The following USH2A variants were observed in gnomAD, a reference collection of about 807,000 sequenced individuals.
USH2A encodes Usher syndrome 2A (autosomal recessive, mild).
In USH2A, 443 loss-of-function variants were observed where a neutral mutation model predicts 538.9. That is an observed-to-expected ratio of 0.82 (90% CI 0.76 to 0.89). The LOEUF is 0.89. Among genes scored for constraint, USH2A ranks in the 40% least tolerant of loss-of-function variants. The pLI is 0.00. For synonymous variants in USH2A, 2,413 were observed against 2,273.5 expected, an observed-to-expected ratio of 1.06 and a Z score of -1.75; for missense variants, 6,633 against 6,324.8, an observed-to-expected ratio of 1.05 and a Z score of -1.65.
intron 20 of USH2A, among the ~76,000 whole-genome samples, chr1:216,187,315 A>G (rs2034628761): frequency 6.6e-6 from 1 of 151,886 alleles, no homozygotes; most frequent in Non-Finnish European, 1.5e-5. Context: ...ATTATCTTAG[A>G]ATCCTCCACA....
In USH2A at chr1:215,998,888, C is replaced by A; in HGVS notation, c.6656G>T (p.Gly2219Val). 6.2e-7 allele frequency: 1 copy of A among 1,612,578 alleles called. No individual in the cohort carries two copies. Among genetic ancestry groups the A allele is most frequent in the Non-Finnish European group, 8.5e-7 (1 of 1,179,188 alleles). The change falls in exon 34 of 72, where the codon GGA becomes GTA. Residue 2219 changes from glycine (G) to valine (V), a missense_variant and splice_region_variant. By Grantham distance (109) the Gly-to-Val change is moderately radical (BLOSUM62 -3). Coordinates refer to ENST00000307340, the MANE Select transcript of USH2A (RefSeq NM_206933.4). Reference sequence around the variant, plus strand: ...AGAAAGTGATGGAAATAAACTTACTCCCAGCTTGATGAGATATTTATTACC... The same window carrying A: ...AGAAAGTGATGGAAATAAACTTACTACCAGCTTGATGAGATATTTATTACC... ...LPGNKYLIKL[G>V]ACTGGGCTVS...
intron 32 of USH2A, among the ~76,000 whole-genome samples, chr1:216,013,202 T>C (rs1312223725): frequency 6.6e-6 from 1 of 151,788 alleles, no homozygotes; most frequent in Non-Finnish European, 1.5e-5. Flanking sequence ...CATACAAAAC[T>C]GTATCCAGGC....
chr1:215,921,870 T>C (rs1666106738), intron 38 of USH2A, among the ~76,000 whole-genome samples: 1 of 152,082 alleles, frequency 6.6e-6, no homozygotes, highest in Non-Finnish European at 1.5e-5. Context: ...AAACCACACC[T>C]GCACCTAGTA....
chr1:215,998,755 CA>C lies in USH2A; in HGVS notation c.6657+131del, dbSNP rs1571876644. 4 of 931,574 alleles carry C rather than the reference CA, an allele frequency of 4.3e-6. No individual in the cohort carries two copies. The East Asian group carries it at 1.1e-4, about 25-fold the overall frequency. 57.7% of individuals were successfully genotyped at this position (931,574 alleles called of 1,614,324 possible). A position where few individuals can be genotyped will look rare whatever the true frequency, so the allele number is the denominator to read the frequency against. ...ACATTTAGGATGGGAAGAGAGTTTT[CA>C]GTATAAACAGCAATACATGAAGATT... On this transcript the variant is annotated intron_variant, in intron 34 of 71. Coordinates refer to ENST00000307340, the MANE Select transcript of USH2A (RefSeq NM_206933.4).
At chr1:215,871,990 T>C (rs913756531) in intron 43 of USH2A, among the ~76,000 whole-genome samples, 1 of 152,202 alleles carries the variant, frequency 6.6e-6, no homozygotes, top group African/African-American at 2.4e-5. Context: ...GAATTAAAAA[T>C]GTGTCAACTT....
At chr1:216,122,205 G>T (rs1433127872) in intron 21 of USH2A, among the ~76,000 whole-genome samples, 1 of 152,094 alleles carries the variant, frequency 6.6e-6, no homozygotes, top group South Asian at 2.1e-4. Flanking sequence ...ACCTGGGTGG[G>T]TATGGAGTAT....
intron 9 of USH2A, among the ~76,000 whole-genome samples, chr1:216,300,696 A>G (rs551826886): frequency 6.6e-6 from 1 of 151,220 alleles, no homozygotes; most frequent in East Asian, 2.0e-4. Flanking sequence ...GATAACCCAT[A>G]GTCTCCAAAG....
chr1:215,953,608 C>G (rs1040697587), intron 37 of USH2A, among the ~76,000 whole-genome samples: 11 of 151,932 alleles, frequency 7.2e-5, no homozygotes, highest in Non-Finnish European at 2.9e-5. Flanking sequence ...ACCATAAAAA[C>G]CCTAGAAGAA....
intron 8 of USH2A, 70 bp from the exon 9 acceptor site, chr1:216,322,046 AC>A (rs2037624363): frequency 7.1e-7 from 1 of 1,417,506 alleles, no homozygotes; most frequent in African/African-American, 1.4e-5. Context: ...AGGTCCTAGG[AC>A]TATATGCATT....
intron 45 of USH2A, 109 bp from the exon 46 acceptor site, chr1:215,844,605 T>TAA: frequency 9.0e-7 from 1 of 1,106,244 alleles, no homozygotes; most frequent in Non-Finnish European, 1.3e-6. Context: ...CTCGCTTATC[T>TAA]GCTTTTCGCT....
chr1:216,033,778 G>A (rs1237799321), intron 32 of USH2A, among the ~76,000 whole-genome samples: 1 of 152,166 alleles, frequency 6.6e-6, no homozygotes, highest in African/African-American at 2.4e-5. Context: ...CGAGGCTGCA[G>A]TGAGCTGTGA....
intron 41 of USH2A, among the ~76,000 whole-genome samples, chr1:215,888,190 G>A (rs1282940949): frequency 2.0e-5 from 3 of 152,176 alleles, no homozygotes; most frequent in Non-Finnish European, 2.9e-5. Context: ...AAATATTTCA[G>A]GTGTGCGAGG....
intron 44 of USH2A, among the ~76,000 whole-genome samples, chr1:215,850,169 T>A (rs937618040): frequency 6.6e-6 from 1 of 151,852 alleles, no homozygotes; most frequent in African/African-American, 2.4e-5. Flanking sequence ...AATAATAAAC[T>A]GAACATTGAA....
chr1:215,998,927 T>G lies in USH2A; in HGVS notation c.6617A>C (p.Gln2206Pro). Residue 2206 changes from glutamine (Q) to proline (P), a missense_variant, in exon 34 of 72, where the codon CAA becomes CCA. Transcript: ENST00000307340. The stretch of plus-strand genomic sequence containing the variant: ...ATATTTATTACCAGGTAAAACGTAT[T>G]GTAGCATATGATCCTGGAAAAGTTC... ...STELFQDHML[Q>P]YVLPGNKYLI... 6.2e-7 allele frequency: 1 copy of G among 1,613,364 alleles called. No homozygotes were observed. Among genetic ancestry groups the G allele is most frequent in the Non-Finnish European group, 8.5e-7 (1 of 1,179,574 alleles).
chr1:216,372,482 T>C (rs1055336625), intron 3 of USH2A, among the ~76,000 whole-genome samples: 2 of 152,150 alleles, frequency 1.3e-5, no homozygotes, highest in Non-Finnish European at 2.9e-5. Context: ...TCCCCTCATC[T>C]CTATTAAAGC....
intron 60 of USH2A, among the ~76,000 whole-genome samples, chr1:215,741,067 GC>G (rs962940006): frequency 6.6e-6 from 1 of 152,116 alleles, no homozygotes; most frequent in Non-Finnish European, 1.5e-5. Context: ...GGACTGTTCT[GC>G]CCCATCACTA....
At chr1:216,075,018 A>G (rs1452995701) in intron 27 of USH2A, among the ~76,000 whole-genome samples, 1 of 152,210 alleles carries the variant, frequency 6.6e-6, no homozygotes, top group East Asian at 1.9e-4. Flanking sequence ...CATGTTACAT[A>G]TATTTTACCA....
At position 216,089,026 on chromosome 1, in the gene USH2A, A is replaced by T. The variant is rs758142357; in HGVS notation, c.4872T>A (p.Asp1624Glu). ...RHQAFGQITL[D>E]GIYTGSSAIL... ...AAAAGTACTTACCTGTATATATCCC[A>T]TCCAGAGTGATTTGGCCAAAAGCCT... The change falls in exon 23 of 72, where the codon GAT becomes GAA. Residue 1624 changes from aspartate (D) to glutamate (E), a missense_variant. Asp to Glu is a conservative substitution (Grantham distance 45, BLOSUM62 2). Coordinates refer to ENST00000307340, the MANE Select transcript of USH2A (RefSeq NM_206933.4). 1 of 1,613,494 alleles carries T rather than the reference A, an allele frequency of 6.2e-7. No homozygotes were observed. The highest frequency in any genetic ancestry group is 1.1e-5 in the South Asian group (1 of 91,080).
At chr1:215,809,580 T>C (rs1226604984) in intron 49 of USH2A, among the ~76,000 whole-genome samples, 1 of 152,134 alleles carries the variant, frequency 6.6e-6, no homozygotes, top group Non-Finnish European at 1.5e-5. Context: ...AAAATGAATC[T>C]ATTTCAGGCC....
Sources: allele counts gnomAD v4.1 joint callset (sites outside exome capture counted in the v4.1 genomes callset), GRCh38; gene constraint gnomAD v4.1.1; transcripts MANE v1.5; gene names NCBI Gene and HGNC (gene_info 2026-07-23, HGNC 2026-07-21).